The following HDAC9 variants were observed in gnomAD, a reference collection of about 807,000 sequenced individuals.
HDAC9 encodes histone deacetylase 9.
HDAC9 carries 41 observed loss-of-function variants against 139.4 expected under a neutral mutation model. The observed-to-expected ratio is 0.29, with a 90% CI of 0.23 to 0.38. The LOEUF is 0.38. Among genes scored for constraint, HDAC9 ranks in the 10% least tolerant of loss-of-function variants. The pLI, the probability that HDAC9 is intolerant of heterozygous loss-of-function variation, is 1.00. For missense variants in HDAC9, 1,147 were observed against 1,297.0 expected (o/e 0.88, Z 1.78); for synonymous variants, 517 against 476.2 (o/e 1.09, Z -1.12).
Position 18,880,876 on chromosome 7 carries a change from A to C in HDAC9, c.2803+6280A>C, listed in dbSNP as rs10228341. Among the ~76,000 whole-genome samples, 29 of 151,464 alleles carry C rather than the reference A, an allele frequency of 1.9e-4. 1 individual carries two copies. The highest frequency in any genetic ancestry group is 1.9e-3 in the Admixed American group (29 of 15,210). Reference sequence around the variant, plus strand: ...GGGGAACCAAATAACAAAGCTTAGCATCTTGAATTACCATCTTTTTTTTAA... The same window carrying C: ...GGGGAACCAAATAACAAAGCTTAGCCTCTTGAATTACCATCTTTTTTTTAA... On this transcript the variant is annotated intron_variant, in intron 22 of 25. Transcript: ENST00000686413.
At chr7:18,702,029 C>T (rs188218582) in intron 12 of HDAC9, among the ~76,000 whole-genome samples, 15 of 152,294 alleles carry the variant, frequency 9.8e-5, no homozygotes, top group Admixed American at 7.8e-4. Context: ...TGTTTAACTT[C>T]AGCTACTAAC....
chr7:18,575,408 T>C (rs2128754989), intron 2 of HDAC9, among the ~76,000 whole-genome samples: 1 of 152,334 alleles, frequency 6.6e-6, no homozygotes, highest in Non-Finnish European at 1.5e-5. Context: ...TAATATAACA[T>C]GGAGTATTCA....
chr7:18,312,499 A>G (rs1183924880), intron 1 of HDAC9, among the ~76,000 whole-genome samples: 1 of 152,206 alleles, frequency 6.6e-6, no homozygotes, highest in South Asian at 2.1e-4. Context: ...ATAGTAGTTC[A>G]TTGTGTGGGT....
At chr7:18,664,077 G>A (rs1794059847) in intron 11 of HDAC9, among the ~76,000 whole-genome samples, 1 of 152,130 alleles carries the variant, frequency 6.6e-6, no homozygotes. Context: ...CAACTTTGTA[G>A]TCAAAATTTA....
chr7:18,520,303 A>G (rs1804619759), intron 2 of HDAC9, among the ~76,000 whole-genome samples: 2 of 152,222 alleles, frequency 1.3e-5, no homozygotes, highest in South Asian at 4.1e-4. Flanking sequence ...CTATTTTATT[A>G]TACTGTCCTA....
chr7:18,398,253 A>T (rs758166584), intron 1 of HDAC9, among the ~76,000 whole-genome samples: 11 of 152,214 alleles, frequency 7.2e-5, no homozygotes, highest in Non-Finnish European at 1.3e-4. Flanking sequence ...TCAGAAAAAC[A>T]TAGACTAGCA....
intron 2 of HDAC9, among the ~76,000 whole-genome samples, chr7:18,515,819 G>C (rs1240625752): frequency 6.6e-6 from 1 of 152,152 alleles, no homozygotes; most frequent in Non-Finnish European, 1.5e-5. Flanking sequence ...TGAATGGATT[G>C]AATATCATCC....
At chr7:18,270,082 A>G (rs886188747) in intron 2 of HDAC9, among the ~76,000 whole-genome samples, 1 of 152,102 alleles carries the variant, frequency 6.6e-6, no homozygotes, top group Admixed American at 6.6e-5. Flanking sequence ...CTCAGCCCAC[A>G]TTGTGACAAC....
intron 12 of HDAC9, among the ~76,000 whole-genome samples, chr7:18,724,427 T>C (rs536074162): frequency 6.6e-5 from 10 of 152,302 alleles, no homozygotes; most frequent in African/African-American, 2.4e-4. Context: ...ATACAGTTTA[T>C]TATAAAAGGT....
intron 1 of HDAC9, among the ~76,000 whole-genome samples, chr7:18,486,831 G>T (rs1234953463): frequency 6.6e-6 from 1 of 152,074 alleles, no homozygotes; most frequent in Non-Finnish European, 1.5e-5. Flanking sequence ...GAATGATAAT[G>T]CAGAAGATGG....
At chr7:18,987,331 G>A (rs987136629) in intron 25 of HDAC9, among the ~76,000 whole-genome samples, 1 of 152,162 alleles carries the variant, frequency 6.6e-6, no homozygotes, top group Non-Finnish European at 1.5e-5. Context: ...TTATCATGTG[G>A]CTTTTGTCTT....
intron 2 of HDAC9, among the ~76,000 whole-genome samples, chr7:18,514,699 G>T (rs1802615970): frequency 6.6e-6 from 1 of 152,162 alleles, no homozygotes; most frequent in African/African-American, 2.4e-5. Context: ...TCAGGATTTG[G>T]AAGGCTAAGG....
intron 1 of HDAC9, among the ~76,000 whole-genome samples, chr7:18,398,100 G>T (rs1293509661): frequency 2.0e-5 from 3 of 152,196 alleles, no homozygotes; most frequent in Non-Finnish European, 4.4e-5. Flanking sequence ...ATTACAGGGT[G>T]TTATGATCCA....
chr7:18,221,770 A>G (rs1424827943), intron 2 of HDAC9, among the ~76,000 whole-genome samples: 1 of 152,140 alleles, frequency 6.6e-6, no homozygotes, highest in Admixed American at 6.5e-5. Context: ...GAGGAATCCA[A>G]CTTGATTTTT....
At position 18,666,613 on chromosome 7, in the gene HDAC9, A is replaced by G. The variant is rs1794958477; in HGVS notation, c.1731+137A>G. ...TATGATTTGAGTTCAGTGTTTAAGGATTCTACCTAATGCAGATATATGTAT... is the reference window on the plus strand; with the variant it reads ...TATGATTTGAGTTCAGTGTTTAAGGGTTCTACCTAATGCAGATATATGTAT... On this transcript the variant is annotated intron_variant, in intron 12 of 25. Transcript: ENST00000686413. 1.2e-5 allele frequency: 18 copies of G among 1,470,696 alleles called. No individual in the cohort carries two copies. The East Asian group carries it at 3.5e-4, about 28-fold the overall frequency. 91.1% of individuals were successfully genotyped at this position (1,470,696 alleles called of 1,614,324 possible).
In HDAC9 at chr7:18,175,630, T is replaced by C. The variant is rs191354345; in HGVS notation, c.25+13281T>C. On this transcript the variant is annotated intron_variant, in intron 2 of 12. Coordinates refer to the HDAC9 transcript ENST00000417496. ...TAGTTTTATAATGCATGCCTATGTG[T>C]TGATTTGTGTTGCTTTGGAGTTGCT... 3.1e-3 allele frequency among the ~76,000 whole-genome samples: 465 copies of C among 152,336 alleles called. 2 individuals are homozygous for C. Among genetic ancestry groups the C allele is most frequent in the Non-Finnish European group, 4.7e-3 (317 of 68,036 alleles).
At chr7:18,630,091 G>C (rs931118441) in intron 7 of HDAC9, among the ~76,000 whole-genome samples, 2 of 152,024 alleles carry the variant, frequency 1.3e-5, no homozygotes, top group Non-Finnish European at 2.9e-5. Context: ...GAGGGGTTAG[G>C]AAATTCAACC....
intron 21 of HDAC9, among the ~76,000 whole-genome samples, chr7:18,846,879 G>A (rs906552074): frequency 1.3e-4 from 20 of 152,298 alleles, no homozygotes; most frequent in African/African-American, 4.8e-4. Context: ...AGATGAAACA[G>A]ATAAGATAAT....
rs1252069269 is a variant in HDAC9 at position 19,001,814 on chromosome 7, C to G, written c.*5752C>G. On this transcript the variant is annotated 3_prime_UTR_variant, in exon 26 of 26. Transcript: ENST00000686413. ...TTTTGTAGGTTACAGCCTCAGCAAT[C>G]TGTGTCATTTGAAAGCAAATATCCT... 6.6e-6 allele frequency: 1 copy of G among 152,018 alleles called. No individual in the cohort carries two copies. The highest frequency in any genetic ancestry group is 1.5e-5 in the Non-Finnish European group (1 of 67,950). 9.4% of individuals were successfully genotyped at this position (152,018 alleles called of 1,614,324 possible). A position where few individuals can be genotyped will look rare whatever the true frequency, so the allele number is the denominator to read the frequency against.
Sources: allele counts gnomAD v4.1 joint callset (sites outside exome capture counted in the v4.1 genomes callset), GRCh38; gene constraint gnomAD v4.1.1; transcripts MANE v1.5; gene names NCBI Gene and HGNC (gene_info 2026-07-23, HGNC 2026-07-21).